The following MTNAP1 variants were observed in gnomAD, a reference collection of about 807,000 sequenced individuals.
MTNAP1 encodes the protein mitochondrial nucleoid-associated protein 1.
chr17:73,236,822 ATGC>A, the MTNAP1 span: 41 of 1,613,878 alleles, frequency 2.5e-5, no homozygotes, highest in Non-Finnish European at 3.5e-5. Context: ...TTCACCAATC[ATGC>A]TGCAGCTGCT....
chr17:73,239,471 C>T, the MTNAP1 span, among the ~76,000 whole-genome samples: 1 of 151,978 alleles, frequency 6.6e-6, no homozygotes, highest in African/African-American at 2.4e-5. Context: ...CTGAGTGACA[C>T]CACTGTCCCA....
chr17:73,242,837 G>T, the MTNAP1 span: 1 of 1,380,688 alleles, frequency 7.2e-7, no homozygotes, highest in Non-Finnish European at 1.0e-6. Flanking sequence ...TGAATGACTC[G>T]CGGATACTGG....
At chr17:73,248,426 G>A in the MTNAP1 span, 4 of 1,331,564 alleles carry the variant, frequency 3.0e-6, no homozygotes, top group South Asian at 3.8e-5. Context: ...GCTGCAGAAG[G>A]AGGGGGTAAA....
At chr17:73,248,422 G>T in the MTNAP1 span, 28 of 1,315,978 alleles carry the variant, frequency 2.1e-5, no homozygotes, top group Non-Finnish European at 1.1e-6. Context: ...TCATGCTGCA[G>T]AAGGAGGGGG....
chr17:73,248,325 A>C, the MTNAP1 span: 1 of 646,332 alleles, frequency 1.5e-6, no homozygotes, highest in Non-Finnish European at 2.7e-6. Flanking sequence ...GTAACTACTC[A>C]TCTCTTCACA....
At chr17:73,245,393 G>A in the MTNAP1 span, 1 of 1,228,580 alleles carries the variant, frequency 8.1e-7, no homozygotes, top group Admixed American at 4.2e-5. Context: ...ATCTGGTTCT[G>A]TCTGGATGTT....
the MTNAP1 span, among the ~76,000 whole-genome samples, chr17:73,239,007 G>T: frequency 1.3e-5 from 2 of 152,040 alleles, no homozygotes; most frequent in African/African-American, 2.4e-5. Flanking sequence ...GCAGTGGTGT[G>T]ATCTTGGCTC....
At chr17:73,245,458 C>A in the MTNAP1 span, 1 of 1,137,052 alleles carries the variant, frequency 8.8e-7, no homozygotes, top group Admixed American at 4.6e-5. Context: ...TTTTGTTTAA[C>A]CATAAAGTTG....
the MTNAP1 span, among the ~76,000 whole-genome samples, chr17:73,240,697 C>T: frequency 1.3e-5 from 2 of 152,162 alleles, no homozygotes; most frequent in East Asian, 3.8e-4. Context: ...AAAGGCAGGG[C>T]CAGTGAGCTA....
At chr17:73,243,077 A>AT in the MTNAP1 span, 4,192 of 432,992 alleles carry the variant, frequency 9.7e-3, 5 homozygotes, top group South Asian at 0.018. Context: ...GATTCTCTGA[A>AT]TTTTTTTTTT....
At chr17:73,243,830 G>A in the MTNAP1 span, among the ~76,000 whole-genome samples, 34 of 152,298 alleles carry the variant, frequency 2.2e-4, no homozygotes, top group African/African-American at 7.5e-4. Flanking sequence ...ACCGCACTCA[G>A]CCTTTGTAGC....
chr17:73,241,938 G>T, the MTNAP1 span, among the ~76,000 whole-genome samples: 2 of 152,168 alleles, frequency 1.3e-5, no homozygotes, highest in East Asian at 3.9e-4. Flanking sequence ...AAAACAAAAA[G>T]ATGATGTAAG....
the MTNAP1 span, among the ~76,000 whole-genome samples, chr17:73,239,849 A>G: frequency 3.3e-5 from 5 of 152,240 alleles, no homozygotes; most frequent in South Asian, 6.2e-4. Flanking sequence ...TGACTTCCCT[A>G]TGTTCATGCA....
chr17:73,248,377 A>G, the MTNAP1 span: 1 of 954,436 alleles, frequency 1.0e-6, no homozygotes, highest in African/African-American at 1.6e-5. Context: ...ATGATTTACC[A>G]TTTTAAACAG....
At chr17:73,236,508 AG>A in the MTNAP1 span, 5 of 1,614,250 alleles carry the variant, frequency 3.1e-6, no homozygotes, top group Non-Finnish European at 4.2e-6. Flanking sequence ...ATTCAGTCAC[AG>A]GAAAGGAGTC....
chr17:73,238,527 A>G, the MTNAP1 span, among the ~76,000 whole-genome samples: 17 of 152,222 alleles, frequency 1.1e-4, no homozygotes, highest in African/African-American at 4.1e-4. Context: ...CCAAAGCTAC[A>G]TTTTCTTTAA....
chr17:73,236,860 A>G, the MTNAP1 span: 7 of 1,614,116 alleles, frequency 4.3e-6, no homozygotes, highest in Admixed American at 3.3e-5. Context: ...TCGCAGCTGC[A>G]TGGGGCTGGA....
At chr17:73,238,921 C>CTCTGTG in the MTNAP1 span, among the ~76,000 whole-genome samples, 9 of 150,980 alleles carry the variant, frequency 6.0e-5, no homozygotes, top group South Asian at 1.5e-3. Context: ...CCATACTTTT[C>CTCTGTG]TGTGTGTGTG....
chr17:73,236,704 G>C, the MTNAP1 span: 1 of 1,614,164 alleles, frequency 6.2e-7, no homozygotes, highest in Non-Finnish European at 8.5e-7. Context: ...GGAGAGTCCC[G>C]AGGGACAGTT....
Sources: gnomAD v4.1 joint callset for allele counts (sites outside exome capture counted in the v4.1 genomes callset) on GRCh38, gnomAD v4.1.1 for gene constraint, MANE v1.5 for transcripts, NCBI Gene and HGNC (gene_info 2026-07-23, HGNC 2026-07-21) for gene names.